The following WDR4 variants were observed in gnomAD, a reference collection of about 807,000 sequenced individuals.
The protein encoded by WDR4 is WDR4 tRNA N7-guanosine methyltransferase non-catalytic subunit, also known as tRNA (guanine-N(7)-)-methyltransferase non-catalytic subunit WDR4.
Under a neutral mutation model 48.6 loss-of-function variants are expected in WDR4, and 47 were observed. The ratio of observed to expected loss-of-function variants is 0.97; its 90% CI spans 0.77 to 1.23. WDR4 has a LOEUF of 1.23. Ranked by LOEUF, WDR4 falls within the 50% of genes most tolerant of loss-of-function variation. WDR4 has a pLI of 0.00. For synonymous variants in WDR4, 268 were observed against 230.0 expected (o/e 1.17, Z -1.49); for missense variants, 606 against 551.6 (o/e 1.10, Z -0.99).
intron 2 of WDR4, among the ~76,000 whole-genome samples, chr21:42,874,433 C>T (rs7278675): frequency 0.19 from 29,460 of 152,186 alleles, 4,087 homozygotes; most frequent in African/African-American, 0.4. Flanking sequence ...TGAAAAAGAA[C>T]AGGATAACAG....
At chr21:42,843,572 GGC>G (rs143252850) in intron 11 of WDR4, among the ~76,000 whole-genome samples, 8,471 of 151,134 alleles carry the variant, frequency 0.056, 344 homozygotes, top group Non-Finnish European at 0.088. Flanking sequence ...CACCACACCT[GGC>G]TAATTTTTTT....
chr21:42,879,369 AG>A, intron 1 of WDR4, 37 bp downstream of exon 1: 1 of 1,602,888 alleles, frequency 6.2e-7, no homozygotes. Context: ...GCGCGCCCGC[AG>A]CCTGGTCTCC....
the WDR4 span, among the ~76,000 whole-genome samples, chr21:42,891,456 A>G: frequency 6.6e-6 from 1 of 152,108 alleles, no homozygotes; most frequent in East Asian, 1.9e-4. Flanking sequence ...TTGCAACTCC[A>G]GCAAGATGTC....
At chr21:42,868,153 G>A (rs1601160538) in intron 3 of WDR4, among the ~76,000 whole-genome samples, 1 of 152,132 alleles carries the variant, frequency 6.6e-6, no homozygotes, top group Admixed American at 6.5e-5. Context: ...CACGATGCCA[G>A]GAGCAGAGGC....
the WDR4 span, among the ~76,000 whole-genome samples, chr21:42,885,285 G>T: frequency 6.6e-6 from 1 of 151,882 alleles, no homozygotes; most frequent in Non-Finnish European, 1.5e-5. Context: ...AAAGCCTTGG[G>T]TATTCATAGC....
chr21:42,881,275 C>T (rs753135762), upstream of WDR4, among the ~76,000 whole-genome samples: 1 of 152,118 alleles, frequency 6.6e-6, no homozygotes, highest in Non-Finnish European at 1.5e-5. Flanking sequence ...ATTTTATTAG[C>T]GCCACTCTGA....
intron 3 of WDR4, among the ~76,000 whole-genome samples, chr21:42,871,403 AG>A (rs2058366506): frequency 6.6e-6 from 1 of 152,222 alleles, no homozygotes; most frequent in Non-Finnish European, 1.5e-5. Flanking sequence ...CCTACTAGAA[AG>A]CCCCTGCCAC....
At chr21:42,877,276 T>TGCCACC (rs2058515679) in intron 1 of WDR4, among the ~76,000 whole-genome samples, 1 of 151,094 alleles carries the variant, frequency 6.6e-6, no homozygotes, top group Non-Finnish European at 1.5e-5. Flanking sequence ...TCCCGGTAGC[T>TGCCACC]GGAATTACAG....
rs114328875 is a variant in WDR4, at chr21:42,873,440, G to A, written c.296+111C>T. ...GTGTCTGGCACTGAACTGCGGCTCCGTGTCAACCACTTATCACCCTTATCA... is the reference window on the plus strand; with the variant it reads ...GTGTCTGGCACTGAACTGCGGCTCCATGTCAACCACTTATCACCCTTATCA... On this transcript the variant is annotated intron_variant, in intron 3 of 10. Transcript: ENST00000398208. 1,697 of 1,466,354 alleles carry A rather than the reference G, an allele frequency of 1.2e-3. 2 individuals carry two copies. The highest frequency in any genetic ancestry group is 3.0e-3 in the African/African-American group (213 of 71,566). 90.8% of individuals were successfully genotyped at this position (1,466,354 alleles called of 1,614,324 possible).
chr21:42,857,605 A>G (rs919619828), intron 6 of WDR4, among the ~76,000 whole-genome samples: 4 of 152,254 alleles, frequency 2.6e-5, no homozygotes, highest in Non-Finnish European at 5.9e-5. Flanking sequence ...CAGTGAGATA[A>G]GAGACACGTG....
intron 3 of WDR4, among the ~76,000 whole-genome samples, chr21:42,872,636 T>TA (rs988546975): frequency 4.7e-5 from 6 of 126,516 alleles, no homozygotes; most frequent in African/African-American, 1.8e-4. Flanking sequence ...AAAGATGAAA[T>TA]AAAAATCTTA....
At chr21:42,846,817 T>C (rs2057714764), downstream of WDR4, among the ~76,000 whole-genome samples, 1 of 151,930 alleles carries the variant, frequency 6.6e-6, no homozygotes, top group South Asian at 2.1e-4. Flanking sequence ...AGGTCAGGAG[T>C]TGGAGACCAG....
intron 6 of WDR4, among the ~76,000 whole-genome samples, chr21:42,858,454 G>A (rs1007604424): frequency 1.3e-5 from 2 of 152,338 alleles, no homozygotes; most frequent in South Asian, 4.1e-4. Flanking sequence ...GAGGGAAACC[G>A]TTTCAACCAG....
chr21:42,878,940 AGC>A, intron 1 of WDR4: 1 of 986,484 alleles, frequency 1.0e-6, no homozygotes, highest in Non-Finnish European at 1.2e-6. Context: ...AAAAAGAGGG[AGC>A]GCGCTTGGAG....
At chr21:42,861,539 G>A (rs964225801) in intron 5 of WDR4, among the ~76,000 whole-genome samples, 1 of 152,130 alleles carries the variant, frequency 6.6e-6, no homozygotes, top group Non-Finnish European at 1.5e-5. Flanking sequence ...GTGAAGGGGA[G>A]GGGCCGGGGG....
chr21:42,845,358 T>C (rs527658694), downstream of WDR4, among the ~76,000 whole-genome samples: 27 of 101,820 alleles, frequency 2.7e-4, no homozygotes, highest in Non-Finnish European at 3.9e-4. Context: ...CGTCAACATA[T>C]ATGGGGTACA....
At chr21:42,858,411 G>A (rs989335893) in intron 6 of WDR4, among the ~76,000 whole-genome samples, 42 of 152,202 alleles carry the variant, frequency 2.8e-4, no homozygotes, top group Non-Finnish European at 5.1e-4. Flanking sequence ...GCAACCAGCT[G>A]GAGAGCACAC....
At position 42,862,631 on chromosome 21, in the gene WDR4, G is replaced by C. The variant is rs1569324364; in HGVS notation, c.454-237C>G. Among the ~76,000 whole-genome samples the C allele has an allele frequency of 2.0e-5, 3 of 152,178 alleles. No individual in the cohort carries two copies. The highest frequency in any genetic ancestry group is 4.4e-5 in the Non-Finnish European group (3 of 68,022). ...GCCCTCACTCCTCAGTGCTAGAGCA[G>C]GCTTCTGGGGTGGGGCAGTGCCACC... On this transcript the variant is annotated intron_variant, in intron 4 of 10. Transcript: ENST00000398208. The surrounding 1 kb of genome is among the most constrained non-coding windows in gnomAD (Gnocchi z 4.3).
At chr21:42,883,274 C>CA (rs56707881), upstream of WDR4, among the ~76,000 whole-genome samples, 126 of 77,580 alleles carry the variant, frequency 1.6e-3, 1 homozygote, top group African/African-American at 2.5e-3. Flanking sequence ...GACTCTGTCT[C>CA]AAAAAAAAAA....
Sources: gnomAD v4.1 joint callset for allele counts (sites outside exome capture counted in the v4.1 genomes callset) on GRCh38, gnomAD v4.1.1 for gene constraint, Gnocchi (gnomAD v3.1) non-coding constraint, MANE v1.5 for transcripts, NCBI Gene and HGNC (gene_info 2026-07-23, HGNC 2026-07-21) for gene names.